Variants in ANGPT1 observed in about 807,000 individuals in gnomAD.
ANGPT1 encodes angiopoietin-1.
In ANGPT1, 17 loss-of-function variants were observed where a neutral mutation model predicts 62.2. That is an observed-to-expected ratio of 0.27 (90% confidence interval 0.19 to 0.41). The LOEUF is 0.41. Among genes scored for constraint, ANGPT1 ranks in the 10% least tolerant of loss-of-function variants. The probability of loss-of-function intolerance (pLI) is 1.00; values close to 1 mark genes in which losing one functional copy is unlikely to be tolerated. For synonymous variants in ANGPT1, 199 were observed against 198.9 expected (o/e 1.00, Z 0.00); for missense variants, 478 against 594.9 (o/e 0.80, Z 2.04).
At chr8:107,299,101 A>G (rs1490542688) in intron 5 of ANGPT1, among the ~76,000 whole-genome samples, 2 of 151,626 alleles carry the variant, frequency 1.3e-5, no homozygotes. Context: ...TTTTCTAAAA[A>G]TAAACCCTTG....
Position 107,465,444 on chromosome 8 carries a change from A to G in ANGPT1, c.297+31818T>C, listed in dbSNP as rs574792813. ...CCAATTGAATTGGACTAATTTAAAA[A>G]GCATATATCTTTAAATTGCATATTA... is the stretch of plus-strand genomic sequence containing the variant. On this transcript the variant is annotated intron_variant, in intron 1 of 8. Coordinates refer to ENST00000517746, the MANE Select transcript of ANGPT1 (RefSeq NM_001146.5). Among the ~76,000 whole-genome samples the G allele has an allele frequency of 5.3e-5, 8 of 152,298 alleles. No individual in the cohort carries two copies. The South Asian group carries it at 1.7e-3, about 32-fold the overall frequency.
intron 1 of ANGPT1, among the ~76,000 whole-genome samples, chr8:107,408,669 G>T (rs967848199): frequency 6.6e-6 from 1 of 152,108 alleles, no homozygotes; most frequent in Non-Finnish European, 1.5e-5. Context: ...TGGAATTTTG[G>T]AGTAGACACA....
chr8:107,372,953 G>T (rs559220210), intron 1 of ANGPT1, among the ~76,000 whole-genome samples: 1 of 151,838 alleles, frequency 6.6e-6, no homozygotes, highest in Non-Finnish European at 1.5e-5. Flanking sequence ...CTAACAACAC[G>T]AAATTATTGT....
chr8:107,377,113 A>G (rs1341104023), intron 1 of ANGPT1, among the ~76,000 whole-genome samples: 1 of 152,208 alleles, frequency 6.6e-6, no homozygotes, highest in South Asian at 2.1e-4. Flanking sequence ...CTAGCCTTAC[A>G]TAAATAAATA....
rs1205930539 is a variant in ANGPT1, at chr8:107,251,837, G to A, written c.*18C>T. ...GGATTTCTTTGTTGCTTTCATAATC[G>A]CTTCTGACATTGCGCTTTCAAAAAT... On this transcript the variant is annotated 3_prime_UTR_variant, in exon 9 of 9. Coordinates refer to ENST00000517746, the MANE Select transcript of ANGPT1 (RefSeq NM_001146.5). 5.6e-6 allele frequency: 9 copies of A among 1,612,458 alleles called. No homozygotes were observed. The highest frequency in any genetic ancestry group is 3.3e-5 in the South Asian group (3 of 90,924).
At chr8:107,418,014 A>G (rs1043818882) in intron 1 of ANGPT1, among the ~76,000 whole-genome samples, 2 of 152,186 alleles carry the variant, frequency 1.3e-5, no homozygotes, top group African/African-American at 4.8e-5. Flanking sequence ...TTCTGGTAAC[A>G]TGTTGTGACC....
chr8:107,313,104 A>C (rs1814916213), intron 4 of ANGPT1, among the ~76,000 whole-genome samples: 1 of 152,130 alleles, frequency 6.6e-6, no homozygotes, highest in African/African-American at 2.4e-5. Flanking sequence ...CCCACTTGTG[A>C]AAATGGAACG....
chr8:107,387,776 T>A (rs1816759430), intron 1 of ANGPT1, among the ~76,000 whole-genome samples: 1 of 129,848 alleles, frequency 7.7e-6, no homozygotes, highest in Non-Finnish European at 1.8e-5. Context: ...AATACTATAA[T>A]CTCTACCTAG....
intron 1 of ANGPT1, among the ~76,000 whole-genome samples, chr8:107,358,875 T>C (rs1442661868): frequency 2.6e-5 from 4 of 152,212 alleles, no homozygotes; most frequent in Admixed American, 1.3e-4. Context: ...CTTTGACATA[T>C]TTATTTTGGA....
chr8:107,348,734 G>T (rs1049713000), intron 1 of ANGPT1, among the ~76,000 whole-genome samples: 3 of 152,164 alleles, frequency 2.0e-5, no homozygotes, highest in African/African-American at 7.2e-5. Context: ...TGTCATTTTG[G>T]ATTCCACATC....
At chr8:107,366,948 G>GTGGA (rs1008128937) in intron 1 of ANGPT1, among the ~76,000 whole-genome samples, 3 of 152,022 alleles carry the variant, frequency 2.0e-5, no homozygotes, top group Admixed American at 1.3e-4. Context: ...AAACCTTATG[G>GTGGA]TGGAGAGACC....
intron 1 of ANGPT1, among the ~76,000 whole-genome samples, chr8:107,378,174 A>G (rs1816565519): frequency 1.3e-5 from 2 of 152,210 alleles, no homozygotes; most frequent in African/African-American, 2.4e-5. Flanking sequence ...GACACACTTG[A>G]ATTTTTTGGT....
chr8:107,396,784 A>C (rs1816945416), intron 1 of ANGPT1, among the ~76,000 whole-genome samples: 1 of 151,922 alleles, frequency 6.6e-6, no homozygotes, highest in Non-Finnish European at 1.5e-5. Context: ...CGACCCCCTA[A>C]AGTGCTAGGA....
At chr8:107,488,353 A>G (rs929114537) in intron 1 of ANGPT1, among the ~76,000 whole-genome samples, 2 of 152,100 alleles carry the variant, frequency 1.3e-5, no homozygotes, top group Non-Finnish European at 2.9e-5. Context: ...AGCTATTTTG[A>G]AACTATGTTC....
intron 1 of ANGPT1, among the ~76,000 whole-genome samples, chr8:107,438,985 T>G (rs1811403876): frequency 6.6e-6 from 1 of 152,326 alleles, no homozygotes; most frequent in South Asian, 2.1e-4. Context: ...TTGTTCATGT[T>G]CACATATATA....
At chr8:107,485,170 A>G (rs890556616) in intron 1 of ANGPT1, among the ~76,000 whole-genome samples, 1 of 152,214 alleles carries the variant, frequency 6.6e-6, no homozygotes, top group Non-Finnish European at 1.5e-5. Flanking sequence ...TGATGAACAC[A>G]TCCCAACAGT....
chr8:107,336,288 A>G lies in ANGPT1; in HGVS notation c.454-17T>C, dbSNP rs188747726. 8.3e-6 allele frequency: 13 copies of G among 1,569,428 alleles called. No individual in the cohort carries two copies. In the Admixed American group the frequency reaches 2.7e-4, roughly 33 times the overall value. The stretch of plus-strand genomic sequence containing the variant: ...ATTTAGTACCTTAAGATAAAAGATG[A>G]AAATATTTCAAACTTCAGTCACGAA... On this transcript the variant is annotated splice_polypyrimidine_tract_variant and intron_variant, in intron 2 of 8. Coordinates refer to ENST00000517746, the MANE Select transcript of ANGPT1 (RefSeq NM_001146.5).
intron 7 of ANGPT1, among the ~76,000 whole-genome samples, chr8:107,269,846 G>A (rs1241973320): frequency 6.6e-6 from 1 of 151,986 alleles, no homozygotes; most frequent in Non-Finnish European, 1.5e-5. Flanking sequence ...CCCTTCGACG[G>A]ATGACTATAA....
chr8:107,475,530 G>C (rs1350349283), intron 1 of ANGPT1, among the ~76,000 whole-genome samples: 1 of 152,122 alleles, frequency 6.6e-6, no homozygotes, highest in East Asian at 1.9e-4. Flanking sequence ...GCATGGGCAA[G>C]GACTTCATGT....
Sources: gnomAD v4.1 joint callset for allele counts (sites outside exome capture counted in the v4.1 genomes callset) on GRCh38, gnomAD v4.1.1 for gene constraint, MANE v1.5 for transcripts, NCBI Gene and HGNC (gene_info 2026-07-23, HGNC 2026-07-21) for gene names.